CARS2: variants seen among roughly 807,000 people sequenced by gnomAD.
CARS2 encodes the protein cysteinyl-tRNA synthetase 2, mitochondrial, also known as probable cysteine--tRNA ligase, mitochondrial.
In CARS2, 52 loss-of-function variants were observed where a neutral mutation model predicts 68.8. The ratio of observed to expected loss-of-function variants is 0.76; its 90% confidence interval spans 0.61 to 0.95. The LOEUF is 0.95. Among genes scored for constraint, CARS2 ranks in the 40% least tolerant of loss-of-function variants. The pLI, the probability that CARS2 is intolerant of heterozygous loss-of-function variation, is 0.00. For synonymous variants in CARS2, 314 were observed against 303.6 expected, an observed-to-expected ratio of 1.03 and a Z score of -0.36; for missense variants, 780 against 754.2, an observed-to-expected ratio of 1.03 and a Z score of -0.40.
intron 6 of CARS2, among the ~76,000 whole-genome samples, chr13:110,682,340 G>A (rs965450914): frequency 2.2e-4 from 33 of 152,348 alleles, no homozygotes; most frequent in Non-Finnish European, 3.2e-4. Flanking sequence ...TGATGTGGGC[G>A]TCTGTGTTCC....
At chr13:110,711,796 G>C (rs546886288) in intron 1 of CARS2, among the ~76,000 whole-genome samples, 40 of 152,302 alleles carry the variant, frequency 2.6e-4, no homozygotes, top group Middle Eastern at 3.4e-3. Flanking sequence ...ATACAAAACA[G>C]CTTAATTCAG....
rs1415483921 is a variant in CARS2, at chr13:110,668,118, A to C, written c.786-645T>G. On this transcript the variant is annotated intron_variant, in intron 7 of 14. Coordinates refer to ENST00000257347, the MANE Select transcript of CARS2 (RefSeq NM_024537.4). This position sits in a 1 kb window ranked among gnomAD's most constrained non-coding sequence, Gnocchi z 4.1. Reference sequence around the variant, plus strand: ...TAGATAGAGAAATTTCTAAGGTGCCAACACCTCGCAGAGGTCCTTCCTGCT... The same window carrying C: ...TAGATAGAGAAATTTCTAAGGTGCCCACACCTCGCAGAGGTCCTTCCTGCT... Among the ~76,000 whole-genome samples the C allele has an allele frequency of 6.6e-6, 1 of 152,214 alleles. No individual in the cohort carries two copies. Among genetic ancestry groups the C allele is most frequent in the Non-Finnish European group, 1.5e-5 (1 of 68,034 alleles).
In CARS2 at chr13:110,645,977, G is replaced by A. The variant is rs530176962; in HGVS notation, c.1307C>T (p.Ala436Val). The change falls in exon 12 of 15, where the codon GCG becomes GTG. Residue 436 changes from alanine (A) to valine (V), a missense_variant. Transcript: ENST00000257347. ...LAHHGNGQLR[A>V]SLKEPEGPRS... The stretch of plus-strand genomic sequence containing the variant: ...TGTTCGTTGAGCTACCTTCAGGGAC[G>A]CCCTGAGCTGTCCATTCCCGTGGTG... The A allele has an allele frequency of 7.3e-5, 117 of 1,613,368 alleles. 2 individuals carry two copies. In the South Asian group the frequency reaches 1.1e-3, roughly 15 times the overall value.
chr13:110,697,152 C>T (rs191418175), intron 3 of CARS2, among the ~76,000 whole-genome samples: 5 of 152,360 alleles, frequency 3.3e-5, no homozygotes, highest in East Asian at 3.9e-4. Flanking sequence ...GCTGCCCCGA[C>T]GGCAGGTGAA....
chr13:110,710,326 G>A (rs1594444979), upstream of CARS2, among the ~76,000 whole-genome samples: 1 of 152,278 alleles, frequency 6.6e-6, no homozygotes, highest in South Asian at 2.1e-4. Flanking sequence ...AGGTTGCAGT[G>A]AGCTGAGATC....
At chr13:110,650,966 T>C in intron 10 of CARS2, 68 bp downstream of exon 10, 2 of 1,208,134 alleles carry the variant, frequency 1.7e-6, no homozygotes, top group Non-Finnish European at 2.4e-6. Context: ...ATTTTGCTGT[T>C]TTCAGTCCTG....
chr13:110,676,885 G>T lies in CARS2; in HGVS notation c.785+89C>A. On this transcript the variant is annotated intron_variant, in intron 7 of 14. Transcript: ENST00000257347. The surrounding 1 kb of genome is among the most constrained non-coding windows in gnomAD (Gnocchi z 4.0). ...CACCCATGGGCACACGTGCCAGGCT[G>T]CACCTGCTCCCATGCACATCCTCTG... The T allele has an allele frequency of 1.4e-6, 2 of 1,417,196 alleles. No individual in the cohort carries two copies. The highest frequency in any genetic ancestry group is 3.0e-5 in the South Asian group (2 of 66,072). The allele number at this position is 1,417,196 out of a possible 1,614,324, so 87.8% of individuals were successfully genotyped here.
intron 3 of CARS2, among the ~76,000 whole-genome samples, chr13:110,694,720 C>A (rs1388341862): frequency 6.6e-6 from 1 of 152,178 alleles, no homozygotes; most frequent in Non-Finnish European, 1.5e-5. Flanking sequence ...AAAACCTGTG[C>A]TTTCCATCTC....
chr13:110,700,476 T>A (rs1230134078), intron 3 of CARS2, among the ~76,000 whole-genome samples: 1 of 152,090 alleles, frequency 6.6e-6, no homozygotes, highest in African/African-American at 2.4e-5. Context: ...GTGGGAAAAG[T>A]CTAGAACAGA....
At position 110,706,000 on chromosome 13, in the gene CARS2, G is replaced by C. The variant is rs924724206; in HGVS notation, c.94C>G (p.Arg32Gly). The change falls in exon 1 of 15, where the codon CGG becomes GGG. Residue 32 changes from arginine (R) to glycine (G), a missense_variant. Arg to Gly is a moderately radical substitution (Grantham distance 125, BLOSUM62 -2). Transcript: ENST00000257347. The surrounding 1 kb of genome is among the most constrained non-coding windows in gnomAD (Gnocchi z 4.0). ...CGCCCGCGCCCCCCGCTCGCCGCCC[G>C]GCCCGCAGGCCAGTGCCACCCAGCC... ...GRAGWHWPAG[R>G]AASGGRGRAW... is the part of the protein sequence containing the mutation. 2.3e-5 allele frequency: 34 copies of C among 1,495,372 alleles called. No homozygotes were observed. The Admixed American group carries it at 7.4e-4, about 33-fold the overall frequency. The allele number at this position is 1,495,372 out of a possible 1,614,324, so 92.6% of individuals were successfully genotyped here.
At chr13:110,685,413 G>A (rs1394996029) in intron 5 of CARS2, among the ~76,000 whole-genome samples, 5 of 152,170 alleles carry the variant, frequency 3.3e-5, no homozygotes, top group African/African-American at 9.6e-5. Flanking sequence ...GATCCTCAGG[G>A]CCTCACGTGC....
chr13:110,681,635 A>G (rs1037135918), intron 6 of CARS2, among the ~76,000 whole-genome samples: 1 of 152,190 alleles, frequency 6.6e-6, no homozygotes, highest in Non-Finnish European at 1.5e-5. Flanking sequence ...GTGGATGTTT[A>G]CAGCAGCTTT....
intron 1 of CARS2, chr13:110,712,791 C>T: frequency 2.7e-6 from 2 of 732,738 alleles, no homozygotes; most frequent in South Asian, 1.5e-5. Flanking sequence ...CTAGGGAAGG[C>T]GCCCCTCGGG....
At chr13:110,671,057 G>T (rs963776601) in intron 7 of CARS2, among the ~76,000 whole-genome samples, 10 of 152,112 alleles carry the variant, frequency 6.6e-5, no homozygotes, top group Non-Finnish European at 1.0e-4. Context: ...AGAAATATGG[G>T]ACTATGTGAA....
intron 8 of CARS2, 186 bp from the exon 9 acceptor site, chr13:110,663,704 C>T (rs1201365582): frequency 1.1e-5 from 15 of 1,386,490 alleles, no homozygotes; most frequent in African/African-American, 1.5e-5. Flanking sequence ...CAGGACCTGC[C>T]CTTGTTCCAC....
In CARS2 at chr13:110,668,339, C is replaced by T. The variant is rs1472786776; in HGVS notation, c.786-866G>A. Among the ~76,000 whole-genome samples, 3 of 151,856 alleles carry T rather than the reference C, an allele frequency of 2.0e-5. No individual in the cohort carries two copies. Among genetic ancestry groups the T allele is most frequent in the Non-Finnish European group, 2.9e-5 (2 of 67,982 alleles). On this transcript the variant is annotated intron_variant, in intron 7 of 14. Transcript: ENST00000257347. This position sits in a 1 kb window ranked among gnomAD's most constrained non-coding sequence, Gnocchi z 4.1. The stretch of plus-strand genomic sequence containing the variant: ...CAGGCGGATCACAAGGTCAGGAGAT[C>T]GAGACCATCCTGGCTAACATGGTGA...
chr13:110,710,242 C>T (rs2064015827), upstream of CARS2, among the ~76,000 whole-genome samples: 1 of 152,130 alleles, frequency 6.6e-6, no homozygotes, highest in Non-Finnish European at 1.5e-5. Context: ...ATTAGTTGGG[C>T]ATGGCGTCCG....
rs985779365 is a variant in CARS2, at chr13:110,689,315, G to A, written c.394-1297C>T. 2.0e-5 allele frequency among the ~76,000 whole-genome samples: 3 copies of A among 152,198 alleles called. No individual in the cohort carries two copies. In the South Asian group the frequency reaches 6.2e-4, roughly 32 times the overall value. On this transcript the variant is annotated intron_variant, in intron 3 of 14. Transcript: ENST00000257347. ...TGCTAGTCTCTCCGAGCTGCTCCAC[G>A]CAGCCTCGGGAACCAAGTCTCCCCA...
intron 3 of CARS2, among the ~76,000 whole-genome samples, chr13:110,691,237 A>G (rs1253835151): frequency 6.6e-6 from 1 of 152,186 alleles, no homozygotes; most frequent in Non-Finnish European, 1.5e-5. Context: ...GCTGGTCTCG[A>G]ACTCCTGACC....
Sources: allele counts gnomAD v4.1 joint callset (sites outside exome capture counted in the v4.1 genomes callset), GRCh38; gene constraint gnomAD v4.1.1; non-coding constraint Gnocchi (gnomAD v3.1); transcripts MANE v1.5; gene names NCBI Gene and HGNC (gene_info 2026-07-23, HGNC 2026-07-21).